The following R3HDM1 variants were observed in gnomAD, a reference collection of about 807,000 sequenced individuals.
R3HDM1 encodes the protein R3H domain containing 1.
In R3HDM1, 46 loss-of-function variants were observed where a neutral mutation model predicts 141.1. That is an observed-to-expected ratio of 0.33 (90% confidence interval 0.26 to 0.42). The LOEUF is 0.42. Among genes scored for constraint, R3HDM1 ranks in the 10% least tolerant of loss-of-function variants. The pLI is 1.00. For missense variants in R3HDM1, 1,184 were observed against 1,368.3 expected, an observed-to-expected ratio of 0.87 and a Z score of 2.12; for synonymous variants, 435 against 472.9, an observed-to-expected ratio of 0.92 and a Z score of 1.04.
At chr2:135,643,735 G>T (rs2064062195) in intron 15 of R3HDM1, among the ~76,000 whole-genome samples, 1 of 152,268 alleles carries the variant, frequency 6.6e-6, no homozygotes, top group Middle Eastern at 3.4e-3. Flanking sequence ...TGATAGACTG[G>T]ATAAAGAAAA....
intron 1 of R3HDM1, among the ~76,000 whole-genome samples, chr2:135,588,402 C>G (rs370790438): frequency 6.6e-6 from 1 of 152,092 alleles, no homozygotes; most frequent in Non-Finnish European, 1.5e-5. Context: ...ACTCCCAGAT[C>G]TTTCTCTTTT....
At chr2:135,663,307 G>A (rs2067001526) in intron 19 of R3HDM1, among the ~76,000 whole-genome samples, 1 of 152,102 alleles carries the variant, frequency 6.6e-6, no homozygotes, top group Admixed American at 6.6e-5. Flanking sequence ...AATAAATCAG[G>A]TTGCATCTGG....
In R3HDM1 at chr2:135,621,636, A is replaced by ATT. The variant is rs758727850; in HGVS notation, c.418+28_418+29insTT. 1.5e-4 allele frequency: 224 copies of ATT among 1,518,464 alleles called. No individual in the cohort carries two copies. In the African/African-American group the frequency reaches 3.0e-3, roughly 20 times the overall value. 94.1% of individuals were successfully genotyped at this position (1,518,464 alleles called of 1,614,324 possible). A position where few individuals can be genotyped will look rare whatever the true frequency, so the allele number is the denominator to read the frequency against. The stretch of plus-strand genomic sequence containing the variant: ...TTGCAGTTCTTTTGTTTTTTTTTAA[A>ATT]AAAAAATTTTGCTATCAGTAATTCC... On this transcript the variant is annotated intron_variant, in intron 6 of 26. Coordinates refer to ENST00000683871, the MANE Select transcript of R3HDM1 (RefSeq NM_001378107.1).
At chr2:135,620,500 C>G in intron 5 of R3HDM1, 1 of 983,220 alleles carries the variant, frequency 1.0e-6, no homozygotes. Context: ...ATCATTTACC[C>G]TATATTATGA....
chr2:135,532,717 ATCT>A (rs1243403854), intron 1 of R3HDM1, among the ~76,000 whole-genome samples: 1 of 152,236 alleles, frequency 6.6e-6, no homozygotes, highest in Admixed American at 6.5e-5. Context: ...GTGAAACAAG[ATCT>A]TCTAAGTAAT....
At chr2:135,582,860 C>T (rs1266205311) in intron 1 of R3HDM1, among the ~76,000 whole-genome samples, 7 of 151,968 alleles carry the variant, frequency 4.6e-5, no homozygotes, top group African/African-American at 1.7e-4. Context: ...GTTTTAAATT[C>T]TTAATAAATA....
chr2:135,671,982 A>G (rs946817160), intron 19 of R3HDM1, among the ~76,000 whole-genome samples: 12 of 152,218 alleles, frequency 7.9e-5, no homozygotes, highest in Non-Finnish European at 1.5e-4. Flanking sequence ...TCTCAAAAAA[A>G]AAAAAGGCAT....
At chr2:135,707,692 C>T (rs151123627) in intron 21 of R3HDM1, among the ~76,000 whole-genome samples, 1 of 152,264 alleles carries the variant, frequency 6.6e-6, no homozygotes, top group East Asian at 1.9e-4. Context: ...AGAACAGAGC[C>T]TAAAAAACCT....
At chr2:135,616,607 G>A in intron 4 of R3HDM1, 61 bp from the exon 5 acceptor site, 1 of 1,325,754 alleles carries the variant, frequency 7.5e-7, no homozygotes, top group Non-Finnish European at 1.1e-6. Context: ...CTTTCTAGGG[G>A]GCTTTTGGAT....
intron 1 of R3HDM1, among the ~76,000 whole-genome samples, chr2:135,562,067 T>C (rs908762034): frequency 1.1e-4 from 17 of 152,254 alleles, no homozygotes; most frequent in African/African-American, 3.4e-4. Context: ...GTTAACACAG[T>C]GAATGGCTAA....
chr2:135,618,894 C>G (rs1040287554), intron 5 of R3HDM1, among the ~76,000 whole-genome samples: 4 of 152,008 alleles, frequency 2.6e-5, no homozygotes, highest in African/African-American at 9.7e-5. Context: ...GTGGCACACG[C>G]CTGTAATCCC....
rs117722136 is a variant in R3HDM1 at position 135,722,900 on chromosome 2, T to C, written c.3049+347T>C. On this transcript the variant is annotated intron_variant, in intron 26 of 26. Transcript: ENST00000683871. The stretch of plus-strand genomic sequence containing the variant: ...TCTGAGTGAACAAATATGTTGCCTC[T>C]CTGTGGTAAAGTACCTTCAAGTTTA... 3.3e-5 allele frequency among the ~76,000 whole-genome samples: 5 copies of C among 152,288 alleles called. No individual in the cohort carries two copies. The East Asian group carries it at 9.7e-4, about 29-fold the overall frequency.
chr2:135,679,255 C>T (rs992329907), intron 20 of R3HDM1, among the ~76,000 whole-genome samples: 12 of 151,812 alleles, frequency 7.9e-5, no homozygotes, highest in East Asian at 5.8e-4. Context: ...GAATTGTGTT[C>T]GTGTGATTTC....
At chr2:135,620,689 G>C in intron 5 of R3HDM1, 7 of 944,960 alleles carry the variant, frequency 7.4e-6, no homozygotes, top group Non-Finnish European at 8.8e-6. Context: ...AACTGGTGTA[G>C]AATTTATTAT....
At chr2:135,566,767 C>A in intron 1 of R3HDM1, 4 of 985,150 alleles carry the variant, frequency 4.1e-6, no homozygotes, top group Non-Finnish European at 4.8e-6. Context: ...GTAAGCCCAG[C>A]GCGGTGGCTC....
intron 1 of R3HDM1, among the ~76,000 whole-genome samples, chr2:135,580,013 C>T (rs1012022670): frequency 1.3e-5 from 2 of 152,066 alleles, no homozygotes; most frequent in African/African-American, 4.8e-5. Context: ...AATCCCAGAA[C>T]TTTGAGAGGC....
At chr2:135,607,740 G>A (rs2060198273) in intron 3 of R3HDM1, 2 of 571,560 alleles carry the variant, frequency 3.5e-6, no homozygotes, top group African/African-American at 4.1e-5. Context: ...GTTGCCCTTG[G>A]CAGTAAGCCA....
At chr2:135,544,962 C>T (rs1698378368) in intron 1 of R3HDM1, among the ~76,000 whole-genome samples, 1 of 151,692 alleles carries the variant, frequency 6.6e-6, no homozygotes. Flanking sequence ...AAAACTCTGT[C>T]TAAAAAAAAA....
At chr2:135,578,910 G>A (rs922595599) in intron 1 of R3HDM1, among the ~76,000 whole-genome samples, 8 of 152,056 alleles carry the variant, frequency 5.3e-5, no homozygotes, top group Non-Finnish European at 7.4e-5. Flanking sequence ...TGGAGTTTGA[G>A]GTATCCATAT....
Sources: allele counts gnomAD v4.1 joint callset (sites outside exome capture counted in the v4.1 genomes callset), GRCh38; gene constraint gnomAD v4.1.1; transcripts MANE v1.5; gene names NCBI Gene and HGNC (gene_info 2026-07-23, HGNC 2026-07-21).